Variants in DNAJC27 observed in about 807,000 individuals in gnomAD.
DNAJC27 encodes the protein DnaJ heat shock protein family (Hsp40) member C27.
In DNAJC27, 25 loss-of-function variants were observed where a neutral mutation model predicts 31.4. The observed-to-expected ratio is 0.80, with a 90% CI of 0.58 to 1.11. The LOEUF is 1.11. Among genes scored for constraint, DNAJC27 ranks in the 50% most tolerant of loss-of-function variants. DNAJC27 has a pLI of 0.00. For missense variants in DNAJC27, 356 were observed against 347.3 expected, an observed-to-expected ratio of 1.02 and a Z score of -0.20; for synonymous variants, 106 against 112.7, an observed-to-expected ratio of 0.94 and a Z score of 0.37.
chr2:24,957,960 A>G lies in DNAJC27; in HGVS notation c.255T>C (p.Phe85=), dbSNP rs1665948799. The G allele has an allele frequency of 6.2e-7, 1 of 1,610,608 alleles. No individual in the cohort carries two copies. Among genetic ancestry groups the G allele is most frequent in the African/African-American group, 1.3e-5 (1 of 74,810 alleles). The change falls in exon 4 of 7, where the codon TTT becomes TTC. Residue 85 remains phenylalanine, a synonymous_variant. Coordinates refer to ENST00000264711, the MANE Select transcript of DNAJC27 (RefSeq NM_016544.3). ...HPFFYEVRNE[F]YKDTQGVILV... is the part of the protein sequence containing the mutation. ...GTATCACACCCTGTGTGTCCTTGTA[A>G]AACTCATTTCGAACCTTCAAATAAA...
In DNAJC27 at chr2:24,951,555, C is replaced by T; in HGVS notation, c.529-1G>A. ...AATCAACTATGGATATATAAAAGGT[C>T]TACAAGAAGAAAACATAACCCAGGG... On this transcript the variant is annotated splice_acceptor_variant, in intron 5 of 6. Transcript: ENST00000264711. LOFTEE classifies it high-confidence loss of function. 6.2e-7 allele frequency: 1 copy of T among 1,605,336 alleles called. No individual in the cohort carries two copies. Among genetic ancestry groups the T allele is most frequent in the South Asian group, 1.1e-5 (1 of 88,868 alleles).
intron 1 of DNAJC27, 135 bp downstream of exon 1, chr2:24,971,683 C>T: frequency 1.5e-6 from 1 of 677,562 alleles, no homozygotes; most frequent in Non-Finnish European, 2.4e-6. Flanking sequence ...GAGCCGCACC[C>T]CTCGGCTGAG....
At chr2:24,950,872 T>A (rs1015750766) in intron 6 of DNAJC27, among the ~76,000 whole-genome samples, 9 of 145,162 alleles carry the variant, frequency 6.2e-5, no homozygotes, top group East Asian at 2.0e-4. Flanking sequence ...AAAAAAAAAA[T>A]AAACAAATAC....
chr2:24,960,557 C>G (rs1480022074), intron 3 of DNAJC27, among the ~76,000 whole-genome samples: 2 of 152,160 alleles, frequency 1.3e-5, no homozygotes, highest in African/African-American at 4.8e-5. Flanking sequence ...TACCAAACAG[C>G]TAGCCAAGTT....
At chr2:24,963,176 T>C (rs751749713) in intron 3 of DNAJC27, 6 of 402,150 alleles carry the variant, frequency 1.5e-5, no homozygotes, top group Non-Finnish European at 1.8e-5. Flanking sequence ...AAATGTCTTA[T>C]TGAAATGTTT....
chr2:24,950,461 GAAT>G (rs1012269590), intron 6 of DNAJC27, among the ~76,000 whole-genome samples: 2 of 152,104 alleles, frequency 1.3e-5, no homozygotes, highest in Admixed American at 6.5e-5. Context: ...TAACCATAAT[GAAT>G]AATAATTTAA....
At position 24,947,436 on chromosome 2, in the gene DNAJC27, C is replaced by T. The variant is rs756413405; in HGVS notation, c.*180G>A. The stretch of plus-strand genomic sequence containing the variant: ...ACGCTCAGTTCACTTCATACAAATG[C>T]AGGTCATTTCTCAGTAAAATGTCTA... On this transcript the variant is annotated 3_prime_UTR_variant, in exon 7 of 7. Coordinates refer to ENST00000264711, the MANE Select transcript of DNAJC27 (RefSeq NM_016544.3). 1.2e-5 allele frequency: 8 copies of T among 649,562 alleles called. No individual in the cohort carries two copies. Among genetic ancestry groups the T allele is most frequent in the Non-Finnish European group, 2.1e-5 (8 of 387,868 alleles). The allele number at this position is 649,562 out of a possible 1,614,324, so 40.2% of individuals were successfully genotyped here.
Position 24,945,675 on chromosome 2 carries a change from C to G in DNAJC27, c.*1941G>C, listed in dbSNP as rs1665631680. The G allele has an allele frequency of 1.3e-5, 2 of 151,896 alleles. No individual in the cohort carries two copies. The highest frequency in any genetic ancestry group is 2.9e-5 in the Non-Finnish European group (2 of 68,040). 9.4% of individuals were successfully genotyped at this position (151,896 alleles called of 1,614,324 possible). The stretch of plus-strand genomic sequence containing the variant: ...GGTTGGAGTTCTGTAGCCTCAGAAG[C>G]CAGTTAAAGGCCAGAGGAAAACCTC... On this transcript the variant is annotated 3_prime_UTR_variant, in exon 7 of 7. Coordinates refer to ENST00000264711, the MANE Select transcript of DNAJC27 (RefSeq NM_016544.3).
rs1285962549 is a variant in DNAJC27 at position 24,944,128 on chromosome 2, A to G, written c.*3488T>C. ...AGTGGTTAGCTATATTTTGCAGCTAAGTTCATTTTCAAAAGTTTTACAAAA... is the reference window on the plus strand; with the variant it reads ...AGTGGTTAGCTATATTTTGCAGCTAGGTTCATTTTCAAAAGTTTTACAAAA... On this transcript the variant is annotated 3_prime_UTR_variant, in exon 7 of 7. Coordinates refer to ENST00000264711, the MANE Select transcript of DNAJC27 (RefSeq NM_016544.3). 2 of 152,250 alleles carry G rather than the reference A, an allele frequency of 1.3e-5. No individual in the cohort carries two copies. The highest frequency in any genetic ancestry group is 2.9e-5 in the Non-Finnish European group (2 of 68,050). The allele number at this position is 152,250 out of a possible 1,614,324, so 9.4% of individuals were successfully genotyped here. A position where few individuals can be genotyped will look rare whatever the true frequency, so the allele number is the denominator to read the frequency against.
At position 24,947,287 on chromosome 2, in the gene DNAJC27, C is replaced by T; in HGVS notation, c.*329G>A. ...GAAAGGGTCCTCTTGTCCTCTCTTC[C>T]CTCCTCCAGGAACCTTGTGGATTTC... is the stretch of plus-strand genomic sequence containing the variant. On this transcript the variant is annotated 3_prime_UTR_variant, in exon 7 of 7. Coordinates refer to ENST00000264711, the MANE Select transcript of DNAJC27 (RefSeq NM_016544.3). 5.4e-6 allele frequency: 1 copy of T among 185,780 alleles called. No homozygotes were observed. Among genetic ancestry groups the T allele is most frequent in the Non-Finnish European group, 1.1e-5 (1 of 94,542 alleles). The allele number at this position is 185,780 out of a possible 1,614,324, so 11.5% of individuals were successfully genotyped here.
At chr2:24,964,409 A>G (rs1666126179) in intron 2 of DNAJC27, among the ~76,000 whole-genome samples, 1 of 151,000 alleles carries the variant, frequency 6.6e-6, no homozygotes, top group Non-Finnish European at 1.5e-5. Flanking sequence ...GCGACTGAGT[A>G]AGACTCCGTC....
intron 1 of DNAJC27, chr2:24,969,139 C>CAAGT: frequency 4.9e-6 from 1 of 203,202 alleles, no homozygotes; most frequent in Non-Finnish European, 1.1e-5. Flanking sequence ...AGATCAGGAG[C>CAAGT]AAGTCCCTTC....
rs962118152 is a variant in DNAJC27 at position 24,945,636 on chromosome 2, C to T, written c.*1980G>A. 1 of 152,182 alleles carries T rather than the reference C, an allele frequency of 6.6e-6. No individual in the cohort carries two copies. Among genetic ancestry groups the T allele is most frequent in the Non-Finnish European group, 1.5e-5 (1 of 68,044 alleles). The allele number at this position is 152,182 out of a possible 1,614,324, so 9.4% of individuals were successfully genotyped here. On this transcript the variant is annotated 3_prime_UTR_variant, in exon 7 of 7. Coordinates refer to ENST00000264711, the MANE Select transcript of DNAJC27 (RefSeq NM_016544.3). ...GGCCTTCCTTAAGCAAAATTTAGGT[C>T]CCGAAGAACTCTGGGTTGGAGTTCT...
Position 24,957,941 on chromosome 2 carries a change from C to T in DNAJC27, c.274G>A (p.Val92Met), listed in dbSNP as rs751432309. Residue 92 changes from valine to methionine, a missense_variant, in exon 4 of 7, where the codon GTG becomes ATG. Physicochemically the swap from Val to Met is conservative, Grantham distance 21. Transcript: ENST00000264711. ...TGCCCAACATCATAGACCAGTATCA[C>T]ACCCTGTGTGTCCTTGTAAAACTCA... ...RNEFYKDTQG[V>M]ILVYDVGQKD... 1.9e-6 allele frequency: 3 copies of T among 1,613,816 alleles called. No homozygotes were observed. Among genetic ancestry groups the T allele is most frequent in the African/African-American group, 1.3e-5 (1 of 74,928 alleles).
At chr2:24,953,545 CT>C (rs1665832452) in intron 5 of DNAJC27, 1 of 336,632 alleles carries the variant, frequency 3.0e-6, no homozygotes. Context: ...CTTTTAAGTA[CT>C]TACTTATAGA....
Position 24,961,613 on chromosome 2 carries a change from A to AC in DNAJC27, c.240+1791_240+1792insG, listed in dbSNP as rs1666043440. On this transcript the variant is annotated intron_variant, in intron 3 of 6. Coordinates refer to ENST00000264711, the MANE Select transcript of DNAJC27 (RefSeq NM_016544.3). ...GAGAGGTCAAAGTATCAACCTTAAC[A>AC]AGAGTTTGGAAGTTGATTCCAACCC... 2.0e-5 allele frequency among the ~76,000 whole-genome samples: 3 copies of AC among 152,142 alleles called. No individual in the cohort carries two copies. The South Asian group carries it at 6.2e-4, about 32-fold the overall frequency.
At position 24,957,984 on chromosome 2, in the gene DNAJC27, A is replaced by G. The variant is rs188835816; in HGVS notation, c.241-10T>C. On this transcript the variant is annotated splice_polypyrimidine_tract_variant and intron_variant, in intron 3 of 6. Coordinates refer to ENST00000264711, the MANE Select transcript of DNAJC27 (RefSeq NM_016544.3). ...AAAACTCATTTCGAACCTTCAAATA[A>G]AAGGACAGATACACAAAACGTAGTT... 1 of 1,608,936 alleles carries G rather than the reference A, an allele frequency of 6.2e-7. No homozygotes were observed. Among genetic ancestry groups the G allele is most frequent in the East Asian group, 2.2e-5 (1 of 44,808 alleles).
In DNAJC27 at chr2:24,951,550, A is replaced by G; in HGVS notation, c.533T>C (p.Phe178Ser). 1.2e-6 allele frequency: 2 copies of G among 1,608,506 alleles called. No individual in the cohort carries two copies. Among genetic ancestry groups the G allele is most frequent in the Non-Finnish European group, 8.5e-7 (1 of 1,177,332 alleles). Residue 178 changes from phenylalanine (F) to serine (S), a missense_variant, in exon 6 of 7, where the codon TTT (phenylalanine) becomes TCT (serine). Phe to Ser is a radical substitution (Grantham distance 155). Transcript: ENST00000264711. ...GEGINEMFQT[F>S]YISIVDLCEN... ...ACATAAATCAACTATGGATATATAAAAGGTCTACAAGAAGAAAACATAACC... is the reference window on the plus strand; with the variant it reads ...ACATAAATCAACTATGGATATATAAGAGGTCTACAAGAAGAAAACATAACC...
rs1448381320 is a variant in DNAJC27, at chr2:24,943,695, T to A, written c.*3921A>T. ...TACACAACTTAAATACATATGACAC[T>A]CTGTTTACAAGACATAAACTGGTAG... On this transcript the variant is annotated 3_prime_UTR_variant, in exon 7 of 7. Coordinates refer to ENST00000264711, the MANE Select transcript of DNAJC27 (RefSeq NM_016544.3). 6.6e-6 allele frequency: 1 copy of A among 152,650 alleles called. No individual in the cohort carries two copies. Among genetic ancestry groups the A allele is most frequent in the Non-Finnish European group, 1.5e-5 (1 of 68,038 alleles). The allele number at this position is 152,650 out of a possible 1,614,324, so 9.5% of individuals were successfully genotyped here.
Sources: allele counts gnomAD v4.1 joint callset (sites outside exome capture counted in the v4.1 genomes callset), GRCh38; gene constraint gnomAD v4.1.1; transcripts MANE v1.5; gene names NCBI Gene and HGNC (gene_info 2026-07-23, HGNC 2026-07-21).